TBC1D9: variants seen among roughly 807,000 people sequenced by gnomAD.
TBC1D9 encodes TBC1 domain family member 9A.
Under a neutral mutation model 132.0 loss-of-function variants are expected in TBC1D9, and 63 were observed. The observed-to-expected ratio is 0.48, with a 90% CI of 0.39 to 0.59. The LOEUF (loss-of-function observed/expected upper bound fraction) is 0.59. TBC1D9 is among the 20% of genes least tolerant of loss of function. The pLI, the probability that TBC1D9 is intolerant of heterozygous loss-of-function variation, is 0.00. For missense variants in TBC1D9, 1,261 were observed against 1,592.7 expected, an observed-to-expected ratio of 0.79 and a Z score of 3.54; for synonymous variants, 610 against 609.9, an observed-to-expected ratio of 1.00 and a Z score of 0.00.
intron 13 of TBC1D9, chr4:140,643,239 C>A: frequency 7.6e-7 from 1 of 1,323,118 alleles, no homozygotes; most frequent in Non-Finnish European, 1.1e-6. Context: ...CTTGCTCCTC[C>A]TCTCCAGCTC....
Position 140,621,993 on chromosome 4 carries a change from A to G in TBC1D9, c.*202T>C, listed in dbSNP as rs2110958981. The G allele has an allele frequency of 1.6e-6, 1 of 642,184 alleles. No homozygotes were observed. The highest frequency in any genetic ancestry group is 3.7e-5 in the Admixed American group (1 of 26,948). The allele number at this position is 642,184 out of a possible 1,614,324, so 39.8% of individuals were successfully genotyped here. ...TATTCTGGTAAATCCCCTCCCCGCA[A>G]CAAGAGTGTAATGTACCTACATTGA... On this transcript the variant is annotated 3_prime_UTR_variant, in exon 21 of 21. Coordinates refer to ENST00000442267, the MANE Select transcript of TBC1D9 (RefSeq NM_015130.3).
intron 2 of TBC1D9, among the ~76,000 whole-genome samples, chr4:140,694,611 A>G (rs978276629): frequency 6.6e-6 from 1 of 150,466 alleles, no homozygotes; most frequent in African/African-American, 2.4e-5. Flanking sequence ...GATGGTATGG[A>G]AATACATTTT....
chr4:140,660,393 C>T (rs796237636), intron 10 of TBC1D9, among the ~76,000 whole-genome samples: 1 of 152,312 alleles, frequency 6.6e-6, no homozygotes, highest in African/African-American at 2.4e-5. Context: ...GGCCAACTAC[C>T]TCCTGTACTT....
In TBC1D9 at chr4:140,641,031, A is replaced by G. The variant is rs752076243; in HGVS notation, c.2338-1603T>C. Among the ~76,000 whole-genome samples, 88 of 149,060 alleles carry G rather than the reference A, an allele frequency of 5.9e-4. 1 individual carries two copies. Among genetic ancestry groups the G allele is most frequent in the Non-Finnish European group, 1.8e-4 (12 of 67,532 alleles). ...GAAATGGCAATATCATCACATAATC[A>G]ACTATTTTGCAGCAATAAAAAGAAC... On this transcript the variant is annotated intron_variant, in intron 13 of 20. Coordinates refer to ENST00000442267, the MANE Select transcript of TBC1D9 (RefSeq NM_015130.3).
Position 140,670,835 on chromosome 4 carries a change from T to G in TBC1D9, c.1151A>C (p.Asn384Thr), listed in dbSNP as rs754822482. 1.2e-6 allele frequency: 2 copies of G among 1,614,046 alleles called. No homozygotes were observed. The highest frequency in any genetic ancestry group is 1.7e-6 in the Non-Finnish European group (2 of 1,179,898). ...TRNRMTFLFA[N>T]LKDRDFLVQR... ...CACTAGAAAGTCTCTATCTTTCAAG[T>G]TGGCAAATAGGAAGGTCATCCTGTT... The change falls in exon 7 of 21, where the codon AAC becomes ACC. Residue 384 changes from asparagine to threonine, a missense_variant. Coordinates refer to ENST00000442267, the MANE Select transcript of TBC1D9 (RefSeq NM_015130.3).
At chr4:140,742,063 G>A (rs1470656839) in intron 1 of TBC1D9, among the ~76,000 whole-genome samples, 1 of 152,126 alleles carries the variant, frequency 6.6e-6, no homozygotes, top group Non-Finnish European at 1.5e-5. Context: ...ATGACCCCGG[G>A]CACATGTTCT....
chr4:140,645,067 C>A, intron 13 of TBC1D9: 2 of 505,904 alleles, frequency 4.0e-6, no homozygotes, highest in South Asian at 1.6e-5. Flanking sequence ...CCGGAGCCTG[C>A]CAGCACTGGG....
chr4:140,730,131 C>T (rs556787356), intron 1 of TBC1D9, among the ~76,000 whole-genome samples: 1 of 152,282 alleles, frequency 6.6e-6, no homozygotes, highest in South Asian at 2.1e-4. Context: ...GCCCTTGAGT[C>T]CCACTCTGAT....
chr4:140,620,847 G>T lies in TBC1D9; in HGVS notation c.*1348C>A, dbSNP rs1180761801. ...ATTTGAGGTTAACACTACTTCATTTGACAGTTTAAAAATCATCCTGTAAAT... is the reference window on the plus strand; with the variant it reads ...ATTTGAGGTTAACACTACTTCATTTTACAGTTTAAAAATCATCCTGTAAAT... On this transcript the variant is annotated 3_prime_UTR_variant, in exon 21 of 21. Coordinates refer to ENST00000442267, the MANE Select transcript of TBC1D9 (RefSeq NM_015130.3). 1 of 152,548 alleles carries T rather than the reference G, an allele frequency of 6.6e-6. No homozygotes were observed. Among genetic ancestry groups the T allele is most frequent in the African/African-American group, 2.4e-5 (1 of 41,420 alleles). 9.4% of individuals were successfully genotyped at this position (152,548 alleles called of 1,614,324 possible). A position where few individuals can be genotyped will look rare whatever the true frequency, so the allele number is the denominator to read the frequency against.
At chr4:140,740,089 C>T (rs1216954811) in intron 1 of TBC1D9, among the ~76,000 whole-genome samples, 3 of 152,144 alleles carry the variant, frequency 2.0e-5, no homozygotes, top group Admixed American at 1.3e-4. Context: ...TAGCTTTGTG[C>T]TCCTTGCACC....
At chr4:140,749,512 T>C (rs1247235841) in intron 1 of TBC1D9, among the ~76,000 whole-genome samples, 1 of 152,042 alleles carries the variant, frequency 6.6e-6, no homozygotes, top group Non-Finnish European at 1.5e-5. Context: ...GTCAAAAATT[T>C]TCAAAATTGA....
intron 1 of TBC1D9, among the ~76,000 whole-genome samples, chr4:140,717,945 T>G (rs1459753359): frequency 6.6e-6 from 1 of 152,200 alleles, no homozygotes; most frequent in East Asian, 1.9e-4. Context: ...AGGATACCTT[T>G]TGTGCCCTGC....
intron 10 of TBC1D9, among the ~76,000 whole-genome samples, chr4:140,660,412 C>T (rs1737338694): frequency 6.6e-6 from 1 of 152,222 alleles, no homozygotes; most frequent in Non-Finnish European, 1.5e-5. Context: ...TTCTTTTGAT[C>T]TCCCAGAAAC....
At chr4:140,640,913 A>T (rs1021945296) in intron 13 of TBC1D9, among the ~76,000 whole-genome samples, 2 of 146,722 alleles carry the variant, frequency 1.4e-5, no homozygotes, top group Non-Finnish European at 2.9e-5. Flanking sequence ...GATTTATTTT[A>T]CTTTACCGAA....
At chr4:140,665,453 G>T (rs1737428772) in intron 9 of TBC1D9, among the ~76,000 whole-genome samples, 1 of 152,110 alleles carries the variant, frequency 6.6e-6, no homozygotes, top group Admixed American at 6.5e-5. Flanking sequence ...CTACAAAGAA[G>T]ATATAGAAGT....
chr4:140,662,634 A>C (rs1578830294), intron 9 of TBC1D9, among the ~76,000 whole-genome samples: 1 of 152,318 alleles, frequency 6.6e-6, no homozygotes, highest in East Asian at 1.9e-4. Flanking sequence ...GGAGTTTTTC[A>C]AATTGCAGAG....
chr4:140,731,742 G>A (rs1182915214), intron 1 of TBC1D9, among the ~76,000 whole-genome samples: 11 of 151,494 alleles, frequency 7.3e-5, no homozygotes, highest in Non-Finnish European at 1.3e-4. Flanking sequence ...AAATCTGATC[G>A]TCACAAAAAC....
chr4:140,732,412 T>A (rs571565774), intron 1 of TBC1D9, among the ~76,000 whole-genome samples: 108 of 152,358 alleles, frequency 7.1e-4, no homozygotes, highest in African/African-American at 2.2e-3. Context: ...TGCAAATACA[T>A]TCTGCCTTAA....
intron 18 of TBC1D9, among the ~76,000 whole-genome samples, chr4:140,626,437 C>G (rs1736711072): frequency 6.6e-6 from 1 of 152,192 alleles, no homozygotes. Context: ...CTCACTCTCT[C>G]TACAGAAATC....
Sources: allele counts gnomAD v4.1 joint callset (sites outside exome capture counted in the v4.1 genomes callset), GRCh38; gene constraint gnomAD v4.1.1; transcripts MANE v1.5; gene names NCBI Gene and HGNC (gene_info 2026-07-23, HGNC 2026-07-21).